Variants in CSTF1 observed in about 807,000 individuals in gnomAD.
CSTF1 encodes cleavage stimulation factor subunit 1.
A neutral mutation model predicts 40.9 loss-of-function variants in CSTF1; 2 were observed. The ratio of observed to expected loss-of-function variants is 0.05; its 90% CI spans 0.02 to 0.15. CSTF1 has a LOEUF of 0.15. Among genes scored for constraint, CSTF1 ranks in the 10% least tolerant of loss-of-function variants. The pLI is 1.00. For missense variants in CSTF1, 279 were observed against 558.9 expected, an observed-to-expected ratio of 0.50 and a Z score of 5.05; for synonymous variants, 218 against 207.2, an observed-to-expected ratio of 1.05 and a Z score of -0.45.
chr20:56,398,973 G>A lies in CSTF1; in HGVS notation c.652G>A (p.Glu218Lys). 1.2e-6 allele frequency: 2 copies of A among 1,601,870 alleles called. No individual in the cohort carries two copies. Among genetic ancestry groups the A allele is most frequent in the South Asian group, 1.1e-5 (1 of 89,392 alleles). The change falls in exon 5 of 6, where the codon GAA (glutamate) becomes AAA (lysine). Residue 218 changes from glutamate (E) to lysine (K), a missense_variant. This residue lies in a region of CSTF1 where 162 missense variants were observed against 337.1 expected (regional missense o/e 0.48). Transcript: ENST00000217109. ...KRAFKYIQEA[E>K]MLRSISFHPS... is the part of the protein sequence containing the mutation. The stretch of plus-strand genomic sequence containing the variant: ...AATGTCTCTGTCCCAACAGGAAGCT[G>A]AAATGTTACGTTCCATCTCTTTTCA...
In CSTF1 at chr20:56,398,964, C is replaced by T. The variant is rs1156307851; in HGVS notation, c.646-3C>T. Reference sequence around the variant, plus strand: ...ACTTGTATTAATGTCTCTGTCCCAACAGGAAGCTGAAATGTTACGTTCCAT... The same window carrying T: ...ACTTGTATTAATGTCTCTGTCCCAATAGGAAGCTGAAATGTTACGTTCCAT... On this transcript the variant is annotated splice_polypyrimidine_tract_variant and splice_region_variant and intron_variant, in intron 4 of 5. Transcript: ENST00000217109. 1.3e-6 allele frequency: 2 copies of T among 1,595,188 alleles called. No homozygotes were observed. The highest frequency in any genetic ancestry group is 1.1e-5 in the South Asian group (1 of 88,060).
chr20:56,403,365 T>C (rs1399000051), intron 5 of CSTF1, 103 bp from the exon 6 acceptor site: 2 of 1,334,466 alleles, frequency 1.5e-6, no homozygotes, highest in Middle Eastern at 1.9e-4. Flanking sequence ...GTACAAGGTG[T>C]ATCACTGCAA....
rs1978683774 is a variant in CSTF1, at chr20:56,405,841, G to T, written c.*2114G>T. On this transcript the variant is annotated 3_prime_UTR_variant, in exon 6 of 6. Coordinates refer to ENST00000217109, the MANE Select transcript of CSTF1 (RefSeq NM_001324.3). ...AAACATTACCAACCAAACCTCCCCT[G>T]TTCTTTTTTCAGACTTTCCTTTTGC... 6.6e-6 allele frequency: 1 copy of T among 152,186 alleles called. No individual in the cohort carries two copies. Among genetic ancestry groups the T allele is most frequent in the South Asian group, 2.1e-4 (1 of 4,832 alleles). 9.4% of individuals were successfully genotyped at this position (152,186 alleles called of 1,614,324 possible). A position where few individuals can be genotyped will look rare whatever the true frequency, so the allele number is the denominator to read the frequency against.
Position 56,393,135 on chromosome 20 carries a change from C to T in CSTF1, c.-33+422C>T, listed in dbSNP as rs6069721. Among the ~76,000 whole-genome samples the T allele has an allele frequency of 5.2e-5, 6 of 115,292 alleles. No individual in the cohort carries two copies. The East Asian group carries it at 7.2e-4, about 14-fold the overall frequency. 75.6% of individuals were successfully genotyped at this position (115,292 alleles called of 152,430 possible). A position where few individuals can be genotyped will look rare whatever the true frequency, so the allele number is the denominator to read the frequency against. On this transcript the variant is annotated intron_variant, in intron 1 of 5. Transcript: ENST00000217109. ...CACTTAAAATATATATATATATACA[C>T]ACACACACACATATACATATATATA...
At position 56,397,907 on chromosome 20, in the gene CSTF1, C is replaced by T. The variant is rs1466776495; in HGVS notation, c.645+66C>T. The stretch of plus-strand genomic sequence containing the variant: ...TACAATGAGCTATTGTACAACTATT[C>T]TCTTTTTAAAAGTAGTCTCAGTGAT... On this transcript the variant is annotated intron_variant, in intron 4 of 5. Transcript: ENST00000217109. The surrounding 1 kb of genome is among the most constrained non-coding windows in gnomAD (Gnocchi z 4.4). The T allele has an allele frequency of 7.7e-7, 1 of 1,304,172 alleles. No homozygotes were observed. Among genetic ancestry groups the T allele is most frequent in the African/African-American group, 1.5e-5 (1 of 67,864 alleles). 80.8% of individuals were successfully genotyped at this position (1,304,172 alleles called of 1,614,324 possible).
intron 1 of CSTF1, among the ~76,000 whole-genome samples, chr20:56,395,282 A>G (rs1478838813): frequency 1.3e-5 from 2 of 152,212 alleles, no homozygotes; most frequent in Non-Finnish European, 2.9e-5. Flanking sequence ...TGACTTGAAC[A>G]ATTTCTGTAT....
intron 5 of CSTF1, among the ~76,000 whole-genome samples, chr20:56,400,215 G>A (rs894058751): frequency 6.6e-6 from 1 of 152,150 alleles, no homozygotes; most frequent in Non-Finnish European, 1.5e-5. Flanking sequence ...ACCCACTAGG[G>A]GGCAGCATAA....
chr20:56,395,621 A>G lies in CSTF1; in HGVS notation c.69A>G (p.Leu23=), dbSNP rs1303784097. 1.2e-6 allele frequency: 2 copies of G among 1,614,108 alleles called. No homozygotes were observed. The highest frequency in any genetic ancestry group is 1.3e-5 in the African/African-American group (1 of 74,938). The part of the protein sequence containing the change: ...QLYKLIISQL[L]YDGYISIANG... ...ACAAGCTGATCATTAGCCAGCTGCT[A>G]TATGACGGCTACATCAGCATCGCCA... Residue 23 remains leucine (L), a synonymous_variant, in exon 2 of 6, where the codon CTA becomes CTG. Coordinates refer to ENST00000217109, the MANE Select transcript of CSTF1 (RefSeq NM_001324.3).
In CSTF1 at chr20:56,403,775, C is replaced by T. The variant is rs149041179; in HGVS notation, c.*48C>T. 31 of 1,560,202 alleles carry T rather than the reference C, an allele frequency of 2.0e-5. No individual in the cohort carries two copies. The Admixed American group carries it at 5.2e-4, about 26-fold the overall frequency. Reference sequence around the variant, plus strand: ...TTCTCGAGGACTCTACCCTCCTCCCCCACGTCCTGTCTCAGCTGCAGTCGT... The same window carrying T: ...TTCTCGAGGACTCTACCCTCCTCCCTCACGTCCTGTCTCAGCTGCAGTCGT... On this transcript the variant is annotated 3_prime_UTR_variant, in exon 6 of 6. Transcript: ENST00000217109.
intron 4 of CSTF1, among the ~76,000 whole-genome samples, chr20:56,398,526 A>C (rs1331494917): frequency 6.6e-6 from 1 of 152,240 alleles, no homozygotes; most frequent in Non-Finnish European, 1.5e-5. Context: ...AGCTGTGACC[A>C]TGCCGCTGCA....
At chr20:56,393,364 C>T (rs1332234338) in intron 1 of CSTF1, among the ~76,000 whole-genome samples, 1 of 151,952 alleles carries the variant, frequency 6.6e-6, no homozygotes, top group African/African-American at 2.4e-5. Flanking sequence ...GCATGTAAAG[C>T]ATTGAGCTAG....
intron 1 of CSTF1, among the ~76,000 whole-genome samples, chr20:56,394,692 G>C (rs752157852): frequency 1.3e-5 from 2 of 152,196 alleles, no homozygotes; most frequent in Non-Finnish European, 2.9e-5. Context: ...ATACATAAAG[G>C]CATTGATTTT....
At chr20:56,393,495 A>AT (rs1221814060) in intron 1 of CSTF1, among the ~76,000 whole-genome samples, 2 of 151,942 alleles carry the variant, frequency 1.3e-5, no homozygotes, top group African/African-American at 4.8e-5. Flanking sequence ...AGAATCTCCC[A>AT]TTTTTTTCGG....
chr20:56,399,007 G>A lies in CSTF1; in HGVS notation c.686G>A (p.Gly229Glu). 1 of 1,613,680 alleles carries A rather than the reference G, an allele frequency of 6.2e-7. No individual in the cohort carries two copies. The highest frequency in any genetic ancestry group is 2.2e-5 in the East Asian group (1 of 44,864). Reference protein sequence around the residue: ...MLRSISFHPSGDFILVGTQHP... With the variant: ...MLRSISFHPSEDFILVGTQHP... ...CGTTCCATCTCTTTTCATCCTTCTG[G>A]AGACTTTATACTTGTCGGAACTCAG... Residue 229 changes from glycine to glutamate, a missense_variant, in exon 5 of 6, where the codon GGA (glycine) becomes GAA (glutamate). By Grantham distance (98) the Gly-to-Glu change is moderately conservative. This residue lies in a region of CSTF1 where 162 missense variants were observed against 337.1 expected (regional missense o/e 0.48). Transcript: ENST00000217109. The surrounding 1 kb of genome is among the most constrained non-coding windows in gnomAD (Gnocchi z 4.6).
intron 5 of CSTF1, among the ~76,000 whole-genome samples, chr20:56,402,581 C>G (rs1978506678): frequency 6.6e-6 from 1 of 152,066 alleles, no homozygotes; most frequent in African/African-American, 2.4e-5. Flanking sequence ...GCTTTCTGTA[C>G]AAAGGATGTT....
rs1978639748 is a variant in CSTF1, at chr20:56,404,843, T to TG, written c.*1116_*1117insG. The TG allele has an allele frequency of 6.9e-6, 1 of 144,060 alleles. No individual in the cohort carries two copies. Among genetic ancestry groups the TG allele is most frequent in the African/African-American group, 2.6e-5 (1 of 37,990 alleles). The allele number at this position is 144,060 out of a possible 1,614,324, so 8.9% of individuals were successfully genotyped here. A position where few individuals can be genotyped will look rare whatever the true frequency, so the allele number is the denominator to read the frequency against. On this transcript the variant is annotated 3_prime_UTR_variant, in exon 6 of 6. Coordinates refer to ENST00000217109, the MANE Select transcript of CSTF1 (RefSeq NM_001324.3). The stretch of plus-strand genomic sequence containing the variant: ...TTTTTTTTTTTTTTTTTTTTTGTAT[T>TG]TTTAGTAGAGCCAGGGTTTCACCAT...
At position 56,397,588 on chromosome 20, in the gene CSTF1, G is replaced by T; in HGVS notation, c.448-56G>T. On this transcript the variant is annotated intron_variant, in intron 3 of 5. Coordinates refer to ENST00000217109, the MANE Select transcript of CSTF1 (RefSeq NM_001324.3). This position sits in a 1 kb window ranked among gnomAD's most constrained non-coding sequence, Gnocchi z 4.4. ...CTTTAGTTTGCTACAGTTGTGGATT[G>T]TGCACTTGGATTCAGACACATTCTG... 1 of 1,602,064 alleles carries T rather than the reference G, an allele frequency of 6.2e-7. No individual in the cohort carries two copies. The highest frequency in any genetic ancestry group is 8.5e-7 in the Non-Finnish European group (1 of 1,169,642).
chr20:56,397,904 ATT>A lies in CSTF1; in HGVS notation c.645+64_645+65del. The A allele has an allele frequency of 7.6e-7, 1 of 1,314,264 alleles. No individual in the cohort carries two copies. The highest frequency in any genetic ancestry group is 1.1e-6 in the Non-Finnish European group (1 of 928,008). The allele number at this position is 1,314,264 out of a possible 1,614,324, so 81.4% of individuals were successfully genotyped here. On this transcript the variant is annotated intron_variant, in intron 4 of 5. Coordinates refer to ENST00000217109, the MANE Select transcript of CSTF1 (RefSeq NM_001324.3). This position sits in a 1 kb window ranked among gnomAD's most constrained non-coding sequence, Gnocchi z 4.4. Reference sequence around the variant, plus strand: ...AAATACAATGAGCTATTGTACAACTATTCTCTTTTTAAAAGTAGTCTCAGTGA... The same window carrying A: ...AAATACAATGAGCTATTGTACAACTACTCTTTTTAAAAGTAGTCTCAGTGA...
At chr20:56,393,131 T>TATATACACAC (rs1555858061) in intron 1 of CSTF1, among the ~76,000 whole-genome samples, 1 of 135,804 alleles carries the variant, frequency 7.4e-6, no homozygotes, top group African/African-American at 2.9e-5. Flanking sequence ...TATATATATA[T>TATATACACAC]ACACACACAC....
Sources: allele counts gnomAD v4.1 joint callset (sites outside exome capture counted in the v4.1 genomes callset), GRCh38; gene constraint gnomAD v4.1.1; regional missense constraint gnomAD v4.1.1; non-coding constraint Gnocchi (gnomAD v3.1); transcripts MANE v1.5; gene names NCBI Gene and HGNC (gene_info 2026-07-23, HGNC 2026-07-21).